The following MAP3K4 variants were observed in gnomAD, a reference collection of about 807,000 sequenced individuals.
MAP3K4 encodes the protein mitogen-activated protein kinase kinase kinase 4.
In MAP3K4, 67 loss-of-function variants were observed where a neutral mutation model predicts 185.6. The ratio of observed to expected loss-of-function variants is 0.36; its 90% CI spans 0.30 to 0.44. The LOEUF (loss-of-function observed/expected upper bound fraction) is 0.44. MAP3K4 is among the 20% of genes least tolerant of loss of function. The pLI is 1.00. For missense variants in MAP3K4, 1,551 were observed against 1,995.1 expected, an observed-to-expected ratio of 0.78 and a Z score of 4.24; for synonymous variants, 702 against 710.4, an observed-to-expected ratio of 0.99 and a Z score of 0.19.
chr6:161,048,326 A>C lies in MAP3K4; in HGVS notation c.344-290A>C, dbSNP rs1354685528. On this transcript the variant is annotated intron_variant, in intron 2 of 26. Transcript: ENST00000392142. This position sits in a 1 kb window ranked among gnomAD's most constrained non-coding sequence, Gnocchi z 4.7. ...TACGGAAATTTGGTTAAATGATTTG[A>C]TAACTATGCTTTGTAGCATAGAGAG... 3 of 604,756 alleles carry C rather than the reference A, an allele frequency of 5.0e-6. No homozygotes were observed. The highest frequency in any genetic ancestry group is 3.6e-5 in the African/African-American group (2 of 54,876). 37.5% of individuals were successfully genotyped at this position (604,756 alleles called of 1,614,324 possible).
Position 161,107,774 on chromosome 6 carries a change from G to T in MAP3K4, c.4049-125G>T. On this transcript the variant is annotated intron_variant, in intron 20 of 26. Coordinates refer to ENST00000392142, the MANE Select transcript of MAP3K4 (RefSeq NM_005922.4). This position sits in a 1 kb window ranked among gnomAD's most constrained non-coding sequence, Gnocchi z 6.2. The stretch of plus-strand genomic sequence containing the variant: ...TTGGATCTTGCAATAGTAAACTGCA[G>T]TAAACATAATTATAGATATATAAAT... 9.0e-6 allele frequency: 6 copies of T among 668,938 alleles called. No individual in the cohort carries two copies. Among genetic ancestry groups the T allele is most frequent in the Non-Finnish European group, 9.8e-6 (4 of 407,240 alleles). 41.4% of individuals were successfully genotyped at this position (668,938 alleles called of 1,614,324 possible).
rs966254282 is a variant in MAP3K4, at chr6:161,076,301, C to T, written c.2097+2689C>T. Among the ~76,000 whole-genome samples the T allele has an allele frequency of 5.3e-5, 8 of 152,264 alleles. No individual in the cohort carries two copies. Among genetic ancestry groups the T allele is most frequent in the Admixed American group, 3.3e-4 (5 of 15,302 alleles). On this transcript the variant is annotated intron_variant, in intron 5 of 26. Coordinates refer to ENST00000392142, the MANE Select transcript of MAP3K4 (RefSeq NM_005922.4). The surrounding 1 kb of genome is among the most constrained non-coding windows in gnomAD (Gnocchi z 4.2). ...CTGAAGAGCTGCCCGACAGAAGGAG[C>T]GCGAGCTATACCGCAGCCTTCTCTG...
At chr6:160,998,315 G>T (rs1190353903) in intron 1 of MAP3K4, among the ~76,000 whole-genome samples, 1 of 152,064 alleles carries the variant, frequency 6.6e-6, no homozygotes, top group Non-Finnish European at 1.5e-5. Flanking sequence ...AAAAGTATGT[G>T]CATAGAAAAA....
Position 161,070,267 on chromosome 6 carries a change from T to C in MAP3K4, c.1708-341T>C, listed in dbSNP as rs1293061324. On this transcript the variant is annotated intron_variant, in intron 3 of 26. Transcript: ENST00000392142. This position sits in a 1 kb window ranked among gnomAD's most constrained non-coding sequence, Gnocchi z 4.5. ...GTCTAGAGATAGTTGTCGATAGTAC[T>C]GTATATAACCTGAAAAATAAAGTGT... is the stretch of plus-strand genomic sequence containing the variant. Among the ~76,000 whole-genome samples the C allele has an allele frequency of 6.6e-6, 1 of 152,230 alleles. No homozygotes were observed. Among genetic ancestry groups the C allele is most frequent in the African/African-American group, 2.4e-5 (1 of 41,460 alleles).
chr6:161,000,068 CTG>C (rs1781194896), intron 1 of MAP3K4, among the ~76,000 whole-genome samples: 1 of 152,174 alleles, frequency 6.6e-6, no homozygotes, highest in South Asian at 2.1e-4. Context: ...GGTTTTGAAA[CTG>C]TGTTTATGGT....
At chr6:161,057,037 A>C (rs916193165) in intron 3 of MAP3K4, among the ~76,000 whole-genome samples, 1 of 152,246 alleles carries the variant, frequency 6.6e-6, no homozygotes, top group Admixed American at 6.5e-5. Flanking sequence ...GTAATGTACA[A>C]AATGTATAAT....
chr6:161,108,923 T>G lies in MAP3K4; in HGVS notation c.4236+64T>G. The G allele has an allele frequency of 6.3e-7, 1 of 1,598,746 alleles. No homozygotes were observed. ...AGTGAGGGCACAGAATGGAGTCCTG[T>G]TCTACATCACAGGTCTTCTCATTTC... On this transcript the variant is annotated intron_variant, in intron 22 of 26. Coordinates refer to ENST00000392142, the MANE Select transcript of MAP3K4 (RefSeq NM_005922.4). This position sits in a 1 kb window ranked among gnomAD's most constrained non-coding sequence, Gnocchi z 5.7.
At chr6:161,059,711 A>C (rs754314484) in intron 3 of MAP3K4, among the ~76,000 whole-genome samples, 7 of 152,126 alleles carry the variant, frequency 4.6e-5, no homozygotes, top group Non-Finnish European at 1.0e-4. Flanking sequence ...TTTTATGACT[A>C]CCTTATTTTA....
chr6:161,114,173 A>G lies in MAP3K4; in HGVS notation c.4627-950A>G, dbSNP rs1180894623. Reference sequence around the variant, plus strand: ...TAGGGCTGCTCCGGAGACATTTCCAATCTCTATCAAAATTTTAAATGTGCA... The same window carrying G: ...TAGGGCTGCTCCGGAGACATTTCCAGTCTCTATCAAAATTTTAAATGTGCA... On this transcript the variant is annotated intron_variant, in intron 25 of 26. Coordinates refer to ENST00000392142, the MANE Select transcript of MAP3K4 (RefSeq NM_005922.4). The surrounding 1 kb of genome is among the most constrained non-coding windows in gnomAD (Gnocchi z 4.3). Among the ~76,000 whole-genome samples the G allele has an allele frequency of 2.0e-5, 3 of 152,160 alleles. No individual in the cohort carries two copies. Among genetic ancestry groups the G allele is most frequent in the Non-Finnish European group, 4.4e-5 (3 of 68,028 alleles).
intron 2 of MAP3K4, among the ~76,000 whole-genome samples, chr6:161,040,347 A>G (rs1237807521): frequency 6.6e-6 from 1 of 152,212 alleles, no homozygotes; most frequent in Non-Finnish European, 1.5e-5. Context: ...ACACAGATAT[A>G]TACAGCTTCA....
At chr6:160,994,073 A>G (rs1026790208) in intron 1 of MAP3K4, among the ~76,000 whole-genome samples, 1 of 151,222 alleles carries the variant, frequency 6.6e-6, no homozygotes. Flanking sequence ...TTTTTTAACC[A>G]TTTTAGAGGA....
Position 161,089,326 on chromosome 6 carries a change from A to G in MAP3K4, c.2828A>G (p.Asp943Gly). Residue 943 changes from aspartate (D) to glycine (G), a missense_variant, in exon 11 of 27, where the codon GAT becomes GGT. Asp to Gly is a moderately conservative substitution (Grantham distance 94, BLOSUM62 -1). Coordinates refer to ENST00000392142, the MANE Select transcript of MAP3K4 (RefSeq NM_005922.4). ...TVDTLRSMQVDNLLLVVMQSA... is the reference protein window; with the variant it reads ...TVDTLRSMQVGNLLLVVMQSA... ...TGTGCTTGATTTTCCTCCCAGGTGGATAATCTTTTACTAGTTGTCATGCAG... is the reference window on the plus strand; with the variant it reads ...TGTGCTTGATTTTCCTCCCAGGTGGGTAATCTTTTACTAGTTGTCATGCAG... The G allele has an allele frequency of 6.2e-7, 1 of 1,612,110 alleles. No homozygotes were observed. Among genetic ancestry groups the G allele is most frequent in the Non-Finnish European group, 8.5e-7 (1 of 1,179,444 alleles).
chr6:161,089,440 C>G lies in MAP3K4; in HGVS notation c.2942C>G (p.Pro981Arg). The G allele has an allele frequency of 6.2e-7, 1 of 1,614,176 alleles. No homozygotes were observed. Among genetic ancestry groups the G allele is most frequent in the Non-Finnish European group, 8.5e-7 (1 of 1,180,040 alleles). ...TGCCAGGAGCAGACATCCAGTCAGC[C>G]GGTCATCGCCAAAGCTTTGCAGCAG... is the stretch of plus-strand genomic sequence containing the variant. ...TLCQEQTSSQ[P>R]VIAKALQQLK... The change falls in exon 11 of 27, where the codon CCG (proline) becomes CGG (arginine). Residue 981 changes from proline (P) to arginine (R), a missense_variant. Physicochemically the swap from Pro to Arg is moderately radical, Grantham distance 103. Transcript: ENST00000392142.
chr6:160,994,402 C>G (rs1428955771), intron 1 of MAP3K4, among the ~76,000 whole-genome samples: 1 of 152,148 alleles, frequency 6.6e-6, no homozygotes, highest in Admixed American at 6.5e-5. Context: ...TTTTCCATTC[C>G]TGAGTGACTT....
At chr6:161,006,732 G>T (rs375022894) in intron 1 of MAP3K4, among the ~76,000 whole-genome samples, 1 of 152,152 alleles carries the variant, frequency 6.6e-6, no homozygotes, top group Non-Finnish European at 1.5e-5. Context: ...ATAATGAGAG[G>T]TATAGGCCTT....
At chr6:161,015,996 A>G (rs748480776) in intron 1 of MAP3K4, among the ~76,000 whole-genome samples, 2 of 152,208 alleles carry the variant, frequency 1.3e-5, no homozygotes, top group Non-Finnish European at 2.9e-5. Context: ...ATTATAAATA[A>G]TACTGCTATA....
In MAP3K4 at chr6:161,056,595, C is replaced by T. The variant is rs1268888691; in HGVS notation, c.1707+6616C>T. Reference sequence around the variant, plus strand: ...CAATTAATTACATGTTTGTTCAACCCTACCATACGTGTAAAGTAGTTTCAG... The same window carrying T: ...CAATTAATTACATGTTTGTTCAACCTTACCATACGTGTAAAGTAGTTTCAG... On this transcript the variant is annotated intron_variant, in intron 3 of 26. Transcript: ENST00000392142. This position sits in a 1 kb window ranked among gnomAD's most constrained non-coding sequence, Gnocchi z 5.4. 6.6e-6 allele frequency among the ~76,000 whole-genome samples: 1 copy of T among 152,186 alleles called. No homozygotes were observed. The highest frequency in any genetic ancestry group is 1.9e-4 in the East Asian group (1 of 5,198).
At chr6:161,021,841 AAT>A (rs1782412140) in intron 1 of MAP3K4, among the ~76,000 whole-genome samples, 1 of 152,196 alleles carries the variant, frequency 6.6e-6, no homozygotes, top group Non-Finnish European at 1.5e-5. Flanking sequence ...CTAATAGTGT[AAT>A]TTGACACACA....
At position 161,070,526 on chromosome 6, in the gene MAP3K4, G is replaced by C; in HGVS notation, c.1708-82G>C. ...TTTGTAGATTTGTTAGCACATTGTA[G>C]AGAATAAGAGTTTATAACCACAACC... On this transcript the variant is annotated intron_variant, in intron 3 of 26. Coordinates refer to ENST00000392142, the MANE Select transcript of MAP3K4 (RefSeq NM_005922.4). This position sits in a 1 kb window ranked among gnomAD's most constrained non-coding sequence, Gnocchi z 4.5. 2 of 1,120,898 alleles carry C rather than the reference G, an allele frequency of 1.8e-6. No individual in the cohort carries two copies. The highest frequency in any genetic ancestry group is 1.8e-5 in the South Asian group (1 of 54,680). 69.4% of individuals were successfully genotyped at this position (1,120,898 alleles called of 1,614,324 possible).
Sources: allele counts gnomAD v4.1 joint callset (sites outside exome capture counted in the v4.1 genomes callset), GRCh38; gene constraint gnomAD v4.1.1; non-coding constraint Gnocchi (gnomAD v3.1); transcripts MANE v1.5; gene names NCBI Gene and HGNC (gene_info 2026-07-23, HGNC 2026-07-21).